The following CAMKK2 variants were observed in gnomAD, a reference collection of about 807,000 sequenced individuals.
CAMKK2 encodes the protein calcium/calmodulin dependent protein kinase kinase 2, also known as calcium/calmodulin-dependent protein kinase kinase 2.
Under a neutral mutation model 67.2 loss-of-function variants are expected in CAMKK2, and 30 were observed. The ratio of observed to expected loss-of-function variants is 0.45; its 90% CI spans 0.33 to 0.61. The LOEUF is 0.61. Ranked by LOEUF, CAMKK2 falls within the 20% of genes least tolerant of loss-of-function variation. The probability of loss-of-function intolerance (pLI) is 0.02; values close to 1 mark genes in which losing one functional copy is unlikely to be tolerated. For missense variants in CAMKK2, 643 were observed against 802.0 expected, an observed-to-expected ratio of 0.80 and a Z score of 2.39; for synonymous variants, 322 against 326.2, an observed-to-expected ratio of 0.99 and a Z score of 0.14.
Position 121,240,647 on chromosome 12 carries a change from C to T in CAMKK2, c.*52G>A. On this transcript the variant is annotated 3_prime_UTR_variant, in exon 17 of 17. Coordinates refer to ENST00000404169, the MANE Select transcript of CAMKK2 (RefSeq NM_001270485.2). This position sits in a 1 kb window ranked among gnomAD's most constrained non-coding sequence, Gnocchi z 4.4. ...ATGCTGCTATGGAAACGCGGTGCAG[C>T]AGCCCCCCAGAGGCGACGCGGCGCG... The T allele has an allele frequency of 1.3e-6, 2 of 1,543,686 alleles. No individual in the cohort carries two copies. Among genetic ancestry groups the T allele is most frequent in the South Asian group, 1.2e-5 (1 of 84,816 alleles).
chr12:121,243,892 T>C (rs1888871892), intron 16 of CAMKK2: 1 of 1,395,660 alleles, frequency 7.2e-7, no homozygotes, highest in East Asian at 2.7e-5. Flanking sequence ...CATGATGTGC[T>C]CAGTGGGAAG....
In CAMKK2 at chr12:121,253,944, G is replaced by C. The variant is rs548969808; in HGVS notation, c.908-472C>G. 6.6e-6 allele frequency among the ~76,000 whole-genome samples: 1 copy of C among 152,154 alleles called. No individual in the cohort carries two copies. On this transcript the variant is annotated intron_variant, in intron 9 of 16. Coordinates refer to ENST00000404169, the MANE Select transcript of CAMKK2 (RefSeq NM_001270485.2). This position sits in a 1 kb window ranked among gnomAD's most constrained non-coding sequence, Gnocchi z 5.0. The stretch of plus-strand genomic sequence containing the variant: ...GAACCACACACAGAACTCGGGGCTT[G>C]GCTAACTCCTCCTGGCTGGATATCA...
At chr12:121,250,276 C>T (rs1257673050) in intron 11 of CAMKK2, among the ~76,000 whole-genome samples, 1 of 152,216 alleles carries the variant, frequency 6.6e-6, no homozygotes. Context: ...TTCCCAAGCA[C>T]ACTGCAGGCT....
intron 1 of CAMKK2, among the ~76,000 whole-genome samples, chr12:121,284,199 T>C (rs1370511484): frequency 6.6e-6 from 1 of 152,274 alleles, no homozygotes; most frequent in Non-Finnish European, 1.5e-5. Flanking sequence ...GCTCTGACCA[T>C]TTCATTCCAC....
chr12:121,253,172 G>T lies in CAMKK2; in HGVS notation c.1107+101C>A. The T allele has an allele frequency of 2.0e-6, 2 of 990,496 alleles. No individual in the cohort carries two copies. The highest frequency in any genetic ancestry group is 2.6e-5 in the East Asian group (1 of 39,132). 61.4% of individuals were successfully genotyped at this position (990,496 alleles called of 1,614,324 possible). ...TACCCCTCAGTATCTTGATCCAGGGGATTCACTGTTTAAGCCTGTGTGCGT... is the reference window on the plus strand; with the variant it reads ...TACCCCTCAGTATCTTGATCCAGGGTATTCACTGTTTAAGCCTGTGTGCGT... On this transcript the variant is annotated intron_variant, in intron 10 of 16. Transcript: ENST00000404169. The surrounding 1 kb of genome is among the most constrained non-coding windows in gnomAD (Gnocchi z 5.0).
At chr12:121,288,716 C>T (rs1899307656) in intron 1 of CAMKK2, among the ~76,000 whole-genome samples, 1 of 152,142 alleles carries the variant, frequency 6.6e-6, no homozygotes, top group Non-Finnish European at 1.5e-5. Flanking sequence ...AACACCTTGG[C>T]CTCCCCACTG....
intron 7 of CAMKK2, among the ~76,000 whole-genome samples, chr12:121,256,719 G>T (rs1684895999): frequency 6.6e-6 from 1 of 152,124 alleles, no homozygotes; most frequent in South Asian, 2.1e-4. Context: ...CATCCACACT[G>T]GTGCATGGAT....
intron 15 of CAMKK2, 95 bp from the exon 16 acceptor site, chr12:121,244,710 A>C: frequency 4.0e-6 from 4 of 996,046 alleles, no homozygotes; most frequent in Non-Finnish European, 6.0e-6. Flanking sequence ...TCAGACCCCA[A>C]ACACCAGCTT....
chr12:121,263,227 C>T (rs1474408247), intron 6 of CAMKK2, among the ~76,000 whole-genome samples: 1 of 151,224 alleles, frequency 6.6e-6, no homozygotes, highest in Non-Finnish European at 1.5e-5. Flanking sequence ...CAAACTACAG[C>T]ATGTGGGCCA....
intron 2 of CAMKK2, among the ~76,000 whole-genome samples, chr12:121,272,164 T>C (rs1196130121): frequency 6.6e-6 from 1 of 152,206 alleles, no homozygotes; most frequent in Non-Finnish European, 1.5e-5. Flanking sequence ...AACAAACATC[T>C]ACCGTACCAC....
At chr12:121,247,342 C>A (rs928034370) in intron 14 of CAMKK2, among the ~76,000 whole-genome samples, 2 of 152,192 alleles carry the variant, frequency 1.3e-5, no homozygotes, top group Non-Finnish European at 2.9e-5. Flanking sequence ...CTGCTCCCAG[C>A]ACAGGCCTGA....
intron 16 of CAMKK2, chr12:121,243,878 T>G: frequency 7.4e-7 from 1 of 1,359,860 alleles, no homozygotes; most frequent in Non-Finnish European, 9.5e-7. Flanking sequence ...CCAAGTCAGG[T>G]AGCCATGATG....
At chr12:121,268,522 G>A (rs1359310526) in intron 5 of CAMKK2, 116 bp downstream of exon 5, 1 of 987,978 alleles carries the variant, frequency 1.0e-6, no homozygotes, top group Admixed American at 1.8e-5. Flanking sequence ...AGCCTCCCAA[G>A]TAGCTGGAAC....
At chr12:121,280,551 C>T (rs1655507914) in intron 1 of CAMKK2, among the ~76,000 whole-genome samples, 1 of 152,144 alleles carries the variant, frequency 6.6e-6, no homozygotes, top group African/African-American at 2.4e-5. Context: ...CAGAACAGAG[C>T]CATATTTCTC....
At chr12:121,258,490 C>T (rs566289369) in intron 7 of CAMKK2, among the ~76,000 whole-genome samples, 13 of 152,292 alleles carry the variant, frequency 8.5e-5, no homozygotes, top group African/African-American at 2.9e-4. Flanking sequence ...AGCCACCGCA[C>T]CTGGACTGAG....
intron 7 of CAMKK2, among the ~76,000 whole-genome samples, chr12:121,258,379 C>T (rs1008335117): frequency 6.6e-6 from 1 of 152,094 alleles, no homozygotes; most frequent in African/African-American, 2.4e-5. Context: ...GTCGCCCAGG[C>T]TAGAGTGCAG....
rs1190251386 is a variant in CAMKK2, at chr12:121,238,705, T to C, written c.*1994A>G. The C allele has an allele frequency of 6.6e-6, 1 of 152,548 alleles. No homozygotes were observed. The highest frequency in any genetic ancestry group is 2.4e-5 in the African/African-American group (1 of 41,438). 9.4% of individuals were successfully genotyped at this position (152,548 alleles called of 1,614,324 possible). A position where few individuals can be genotyped will look rare whatever the true frequency, so the allele number is the denominator to read the frequency against. On this transcript the variant is annotated 3_prime_UTR_variant, in exon 17 of 17. Coordinates refer to ENST00000404169, the MANE Select transcript of CAMKK2 (RefSeq NM_001270485.2). Reference sequence around the variant, plus strand: ...GAAATGGCATTGTCTGATGCAGCTGTGTAAACAAGAGAAGCCCTGCAGAAG... The same window carrying C: ...GAAATGGCATTGTCTGATGCAGCTGCGTAAACAAGAGAAGCCCTGCAGAAG...
At chr12:121,252,803 T>C (rs1295836887) in intron 10 of CAMKK2, 89 bp from the exon 11 acceptor site, 2 of 1,343,950 alleles carry the variant, frequency 1.5e-6, no homozygotes. Context: ...CCTCTTGACT[T>C]TCAGCCCTTG....
At chr12:121,251,296 G>A (rs929894490) in intron 11 of CAMKK2, among the ~76,000 whole-genome samples, 2 of 152,190 alleles carry the variant, frequency 1.3e-5, no homozygotes, top group Non-Finnish European at 2.9e-5. Flanking sequence ...ACAGGAAAAG[G>A]TTAATATAGT....
Sources: gnomAD v4.1 joint callset for allele counts (sites outside exome capture counted in the v4.1 genomes callset) on GRCh38, gnomAD v4.1.1 for gene constraint, Gnocchi (gnomAD v3.1) non-coding constraint, MANE v1.5 for transcripts, NCBI Gene and HGNC (gene_info 2026-07-23, HGNC 2026-07-21) for gene names.